The following WDR7 variants were observed in gnomAD, a reference collection of about 807,000 sequenced individuals.
The protein encoded by WDR7 is WD repeat-containing protein 7.
WDR7 carries 46 observed loss-of-function variants against 169.4 expected under a neutral mutation model. That is an observed-to-expected ratio of 0.27 (90% CI 0.21 to 0.35). The LOEUF is 0.35. Among genes scored for constraint, WDR7 ranks in the 10% least tolerant of loss-of-function variants. The pLI is 1.00. For missense variants in WDR7, 1,534 were observed against 1,859.3 expected (o/e 0.83, Z 3.22); for synonymous variants, 612 against 666.8 (o/e 0.92, Z 1.27).
intron 12 of WDR7, among the ~76,000 whole-genome samples, chr18:56,697,899 A>G (rs618390): frequency 0.15 from 23,466 of 152,228 alleles, 2,119 homozygotes; most frequent in African/African-American, 0.24. Flanking sequence ...AATGTGATTA[A>G]AAGTTTGGAA....
chr18:56,979,323 G>A (rs1410690781), intron 26 of WDR7, among the ~76,000 whole-genome samples: 2 of 152,086 alleles, frequency 1.3e-5, no homozygotes, highest in Non-Finnish European at 2.9e-5. Flanking sequence ...CTAGATTTCT[G>A]TGTTATATTT....
intron 14 of WDR7, among the ~76,000 whole-genome samples, chr18:56,748,354 A>G (rs570092388): frequency 1.2e-4 from 18 of 152,236 alleles, no homozygotes; most frequent in African/African-American, 4.1e-4. Context: ...TTGAAAATCA[A>G]TCTCTTTTGT....
chr18:56,923,847 G>T, intron 21 of WDR7, 75 bp from the exon 22 acceptor site: 1 of 1,345,636 alleles, frequency 7.4e-7, no homozygotes, highest in South Asian at 1.7e-5. Context: ...ATTATATTTT[G>T]AAAGTATGCT....
chr18:56,692,841 G>C (rs933959219), intron 9 of WDR7, among the ~76,000 whole-genome samples: 1 of 151,806 alleles, frequency 6.6e-6, no homozygotes, highest in Non-Finnish European at 1.5e-5. Context: ...ATTTTTCCTT[G>C]TTAAATATAT....
chr18:57,001,025 C>T (rs1330030617), intron 26 of WDR7, among the ~76,000 whole-genome samples: 1 of 139,874 alleles, frequency 7.1e-6, no homozygotes, highest in East Asian at 2.1e-4. Flanking sequence ...TAGTGTAAAA[C>T]CATGAGACCC....
chr18:57,019,959 A>G (rs2048264649), intron 26 of WDR7, among the ~76,000 whole-genome samples: 1 of 152,258 alleles, frequency 6.6e-6, no homozygotes, highest in African/African-American at 2.4e-5. Flanking sequence ...ATACAATATT[A>G]TGCTAATTTG....
At position 56,686,791 on chromosome 18, in the gene WDR7, A is replaced by G. The variant is rs368266496; in HGVS notation, c.598-64A>G. On this transcript the variant is annotated intron_variant, in intron 6 of 27. Coordinates refer to ENST00000254442, the MANE Select transcript of WDR7 (RefSeq NM_015285.3). ...TTTATTTAATTTTGTTGCCTTTATC[A>G]TTGTGTGATAATTTTAATTGACAAT... 3.0e-6 allele frequency: 4 copies of G among 1,351,592 alleles called. No individual in the cohort carries two copies. In the East Asian group the frequency reaches 9.3e-5, roughly 31 times the overall value. 83.7% of individuals were successfully genotyped at this position (1,351,592 alleles called of 1,614,324 possible). A position where few individuals can be genotyped will look rare whatever the true frequency, so the allele number is the denominator to read the frequency against.
Position 56,760,187 on chromosome 18 carries a change from C to T in WDR7, c.2848+1234C>T, listed in dbSNP as rs559294508. Reference sequence around the variant, plus strand: ...TACAGAAACATGCACAAAACAGAAACGTACAGTGATTTTTAGAAGCAGAAC... The same window carrying T: ...TACAGAAACATGCACAAAACAGAAATGTACAGTGATTTTTAGAAGCAGAAC... On this transcript the variant is annotated intron_variant, in intron 16 of 27. Transcript: ENST00000254442. 5.1e-4 allele frequency among the ~76,000 whole-genome samples: 77 copies of T among 152,182 alleles called. No individual in the cohort carries two copies. In the South Asian group the frequency reaches 0.014, roughly 28 times the overall value.
At chr18:56,875,260 C>G (rs753269959) in intron 20 of WDR7, among the ~76,000 whole-genome samples, 7 of 152,148 alleles carry the variant, frequency 4.6e-5, no homozygotes, top group Non-Finnish European at 8.8e-5. Context: ...ATATTTCCAT[C>G]TTCTCAGACC....
chr18:56,735,645 C>T (rs1354186717), intron 14 of WDR7, among the ~76,000 whole-genome samples: 1 of 152,060 alleles, frequency 6.6e-6, no homozygotes, highest in Admixed American at 6.6e-5. Context: ...CAATTAGCAA[C>T]TGATGCACCT....
intron 14 of WDR7, among the ~76,000 whole-genome samples, chr18:56,739,876 A>ATTTT (rs58692081): frequency 3.8e-4 from 53 of 138,072 alleles, no homozygotes; most frequent in African/African-American, 1.3e-3. Context: ...CCTAGATGTG[A>ATTTT]TTTTTTTTTT....
intron 14 of WDR7, among the ~76,000 whole-genome samples, chr18:56,754,361 GTA>G (rs1278354464): frequency 6.7e-6 from 1 of 149,524 alleles, no homozygotes; most frequent in Non-Finnish European, 1.5e-5. Context: ...ATATGTGTGT[GTA>G]TATATACACG....
intron 14 of WDR7, among the ~76,000 whole-genome samples, chr18:56,745,461 G>A (rs748981783): frequency 6.6e-6 from 1 of 152,148 alleles, no homozygotes; most frequent in Non-Finnish European, 1.5e-5. Context: ...TGGGGTAGAT[G>A]GTTTCGGGAT....
At chr18:56,827,642 G>A (rs1015301016) in intron 20 of WDR7, among the ~76,000 whole-genome samples, 8 of 152,110 alleles carry the variant, frequency 5.3e-5, no homozygotes, top group African/African-American at 1.9e-4. Flanking sequence ...TTATTTGGTA[G>A]AACAACAGGG....
intron 21 of WDR7, among the ~76,000 whole-genome samples, chr18:56,903,316 A>G (rs939844561): frequency 1.3e-4 from 20 of 152,180 alleles, no homozygotes; most frequent in African/African-American, 4.3e-4. Context: ...TGGTGGTAAA[A>G]TTCACTTGTT....
intron 14 of WDR7, among the ~76,000 whole-genome samples, chr18:56,733,727 T>G (rs1054422924): frequency 6.6e-6 from 1 of 152,178 alleles, no homozygotes; most frequent in East Asian, 1.9e-4. Flanking sequence ...GTAAAATACT[T>G]TATTACTGTG....
intron 14 of WDR7, among the ~76,000 whole-genome samples, chr18:56,747,803 G>C (rs1236680154): frequency 2.6e-5 from 4 of 151,272 alleles, no homozygotes; most frequent in Non-Finnish European, 5.9e-5. Flanking sequence ...TCGTGATGAG[G>C]GAAGAGGGTT....
rs190560375 is a variant in WDR7 at position 56,836,674 on chromosome 18, G to A, written c.3304+20530G>A. Among the ~76,000 whole-genome samples the A allele has an allele frequency of 1.0e-3, 154 of 152,180 alleles. 1 individual carries two copies. The highest frequency in any genetic ancestry group is 3.5e-3 in the African/African-American group (146 of 41,514). Reference sequence around the variant, plus strand: ...TTCCATAAAATTATCAATAAAAGAAGATAATATGAACACAAAGGATGATTT... The same window carrying A: ...TTCCATAAAATTATCAATAAAAGAAAATAATATGAACACAAAGGATGATTT... On this transcript the variant is annotated intron_variant, in intron 20 of 27. Coordinates refer to ENST00000254442, the MANE Select transcript of WDR7 (RefSeq NM_015285.3).
At chr18:56,936,472 GAAGAA>G (rs1004786160) in intron 23 of WDR7, among the ~76,000 whole-genome samples, 10 of 152,158 alleles carry the variant, frequency 6.6e-5, no homozygotes, top group South Asian at 6.2e-4. Flanking sequence ...TTAGTAGGAG[GAAGAA>G]AAGGAAAGGA....
Sources: gnomAD v4.1 joint callset for allele counts (sites outside exome capture counted in the v4.1 genomes callset) on GRCh38, gnomAD v4.1.1 for gene constraint, MANE v1.5 for transcripts, NCBI Gene and HGNC (gene_info 2026-07-23, HGNC 2026-07-21) for gene names.